BRCA1: variants seen among roughly 807,000 people sequenced by gnomAD.
BRCA1 encodes BRCA1 DNA repair associated, also known as breast cancer type 1 susceptibility protein.
In BRCA1, 140 loss-of-function variants were observed where a neutral mutation model predicts 173.7. That is an observed-to-expected ratio of 0.81 (90% CI 0.70 to 0.93). BRCA1 has a LOEUF of 0.93. BRCA1 is among the 40% of genes least tolerant of loss of function. The probability of loss-of-function intolerance (pLI) is 0.00; values close to 1 mark genes in which losing one functional copy is unlikely to be tolerated. For synonymous variants in BRCA1, 662 were observed against 756.0 expected (o/e 0.88, Z 2.04); for missense variants, 1,983 against 2,172.5 (o/e 0.91, Z 1.73).
At chr17:43,110,042 C>A (rs2054966883) in intron 3 of BRCA1, among the ~76,000 whole-genome samples, 1 of 151,902 alleles carries the variant, frequency 6.6e-6, no homozygotes. Flanking sequence ...CTACAGGTGC[C>A]CGCTACCACG....
At chr17:43,086,397 AT>A (rs879506204) in intron 11 of BRCA1, among the ~76,000 whole-genome samples, 22 of 152,106 alleles carry the variant, frequency 1.4e-4, no homozygotes, top group Non-Finnish European at 1.3e-4. Context: ...AAAAACCCAG[AT>A]ATCAATGATA....
At chr17:43,073,921 A>AT (rs1266359099) in intron 14 of BRCA1, among the ~76,000 whole-genome samples, 1 of 151,804 alleles carries the variant, frequency 6.6e-6, no homozygotes, top group Non-Finnish European at 1.5e-5. Context: ...CACCCAGTTA[A>AT]TTTTTTTGTA....
chr17:43,051,115 G>T lies in BRCA1; in HGVS notation c.5280C>A (p.Ile1760=), dbSNP rs750040616. The change falls in exon 20 of 23, where the codon ATC becomes ATA. Residue 1760 remains isoleucine, a splice_region_variant and synonymous_variant. Transcript: ENST00000357654. ...AGCAACAGATTTCTAGCCCCCTGAA[G>T]ATCTGGAAGAAGAGAGGAAGAGAGA... ...KRARESQDRK[I]FRGLEICCYG... The T allele has an allele frequency of 1.2e-6, 2 of 1,613,832 alleles. No individual in the cohort carries two copies. The highest frequency in any genetic ancestry group is 3.3e-4 in the Middle Eastern group (2 of 6,056).
In BRCA1 at chr17:43,049,122, G is replaced by A. The variant is rs2051072173; in HGVS notation, c.5405C>T (p.Thr1802Ile). 6.2e-7 allele frequency: 1 copy of A among 1,613,832 alleles called. No individual in the cohort carries two copies. Among genetic ancestry groups the A allele is most frequent in the Non-Finnish European group, 8.5e-7 (1 of 1,179,744 alleles). ...TCTGACAGGGCACCCAATACTTACT[G>A]TGCCAAGGGTGAATGATGAAAGCTC... is the stretch of plus-strand genomic sequence containing the variant. ...VKELSSFTLG[T>I]GVHPIVVVQP... The change falls in exon 21 of 23, where the codon ACA (threonine) becomes ATA (isoleucine). Residue 1802 changes from threonine (T) to isoleucine (I), a missense_variant and splice_region_variant. Transcript: ENST00000357654.
intron 6 of BRCA1, among the ~76,000 whole-genome samples, chr17:43,102,566 A>C (rs1220973415): frequency 6.6e-6 from 1 of 151,362 alleles, no homozygotes; most frequent in Non-Finnish European, 1.5e-5. Flanking sequence ...CATGTTGGCC[A>C]GGGTGGTCTC....
At chr17:43,082,624 T>C (rs2154165869) in intron 11 of BRCA1, 49 bp from the exon 12 acceptor site, 5 of 1,588,654 alleles carry the variant, frequency 3.1e-6, no homozygotes, top group East Asian at 4.5e-5. Flanking sequence ...TTTGAGAAGC[T>C]TTCCATTAAA....
Position 43,091,858 on chromosome 17 carries a change from A to C in BRCA1, c.3673T>G (p.Cys1225Gly), listed in dbSNP as rs1382025345. The C allele has an allele frequency of 6.2e-7, 1 of 1,614,226 alleles. No homozygotes were observed. ...TTACCAAATAACAAGTGTTGGAAGC[A>C]GGGAAGCTCTTCATCCTCACTAGAT... ...NLSSEDEELP[C>G]FQHLLFGKVN... is the part of the protein sequence containing the mutation. The change falls in exon 10 of 23, where the codon TGC becomes GGC. Residue 1225 changes from cysteine to glycine, a missense_variant. Coordinates refer to ENST00000357654, the MANE Select transcript of BRCA1 (RefSeq NM_007294.4).
chr17:43,074,890 C>T (rs2052638408), intron 13 of BRCA1, among the ~76,000 whole-genome samples: 1 of 150,864 alleles, frequency 6.6e-6, no homozygotes, highest in Non-Finnish European at 1.5e-5. Context: ...CACTGCACTC[C>T]AGCCTGAGTG....
intron 14 of BRCA1, among the ~76,000 whole-genome samples, chr17:43,072,517 C>T (rs181080430): frequency 2.6e-5 from 4 of 151,884 alleles, no homozygotes; most frequent in Admixed American, 2.6e-4. Context: ...ATCTTCCTGT[C>T]TCAGCCTCCT....
chr17:43,123,349 GTTTTTTTTTTTTTTT>G (rs149379936), intron 2 of BRCA1, among the ~76,000 whole-genome samples: 1 of 85,166 alleles, frequency 1.2e-5, no homozygotes, highest in Non-Finnish European at 2.1e-5. Context: ...GATCATCCAT[GTTTTTTTTTTTTTTT>G]TTTTTTTTTT....
chr17:43,074,641 G>C, intron 13 of BRCA1, 120 bp from the exon 14 acceptor site: 1 of 897,878 alleles, frequency 1.1e-6, no homozygotes, highest in East Asian at 2.6e-5. Flanking sequence ...GAAATGACTG[G>C]CAAAAAAGAG....
intron 1 of BRCA1, among the ~76,000 whole-genome samples, chr17:43,155,043 G>C (rs1194705607): frequency 6.6e-6 from 1 of 152,234 alleles, no homozygotes; most frequent in Non-Finnish European, 1.5e-5. Context: ...CAGGACATCA[G>C]ATAGGTCAAG....
rs1351758010 is a variant in BRCA1, at chr17:43,100,659, T to C, written c.442-779A>G. ...ATATATATATAACATATATATAACA[T>C]ATATATATATATATATATAATATAT... is the stretch of plus-strand genomic sequence containing the variant. On this transcript the variant is annotated intron_variant, in intron 6 of 22. Coordinates refer to ENST00000357654, the MANE Select transcript of BRCA1 (RefSeq NM_007294.4). 7.6e-4 allele frequency among the ~76,000 whole-genome samples: 11 copies of C among 14,560 alleles called. 3 individuals are homozygous for C. Among genetic ancestry groups the C allele is most frequent in the East Asian group, 4.9e-3 (1 of 206 alleles). The allele number at this position is 14,560 out of a possible 152,430, so 9.6% of individuals were successfully genotyped here. A position where few individuals can be genotyped will look rare whatever the true frequency, so the allele number is the denominator to read the frequency against.
At chr17:43,065,920 C>T (rs2153654887) in intron 16 of BRCA1, among the ~76,000 whole-genome samples, 1 of 152,272 alleles carries the variant, frequency 6.6e-6, no homozygotes, top group Middle Eastern at 3.4e-3. Context: ...CTCATTTCTT[C>T]TTCAAAAGAC....
At chr17:43,155,288 G>A (rs1042028038) in intron 1 of BRCA1, among the ~76,000 whole-genome samples, 3 of 152,086 alleles carry the variant, frequency 2.0e-5, no homozygotes, top group Admixed American at 6.5e-5. Context: ...TCCTGCCTCA[G>A]CCTCCCGAGT....
At chr17:43,055,053 G>A (rs573975600) in intron 19 of BRCA1, among the ~76,000 whole-genome samples, 1 of 152,112 alleles carries the variant, frequency 6.6e-6, no homozygotes, top group South Asian at 2.1e-4. Context: ...ACCAGCCTGG[G>A]ATGTTCTGAA....
At chr17:43,154,757 A>T (rs138962957) in intron 1 of BRCA1, among the ~76,000 whole-genome samples, 205 of 152,264 alleles carry the variant, frequency 1.3e-3, no homozygotes, top group African/African-American at 4.8e-3. Context: ...ACCTGCTCTC[A>T]CATTCTAGTG....
rs1799966 is a variant in BRCA1, at chr17:43,071,077, T to C, written c.4837A>G (p.Ser1613Gly). ...TCAGTAGTATGAGCAGCAGCTGGAC[T>C]CTGGGCAGATTCTGCAACTTTCAAT... Reference protein sequence around the residue: ...PQLKVAESAQSPAAAHTTDTA... With the variant: ...PQLKVAESAQGPAAAHTTDTA... The change falls in exon 15 of 23, where the codon AGT becomes GGT. Residue 1613 changes from serine (S) to glycine (G), a missense_variant. Physicochemically the swap from Ser to Gly is moderately conservative, Grantham distance 56. Transcript: ENST00000357654. The C allele has an allele frequency of 0.34, 545,124 of 1,613,902 alleles. 94,249 individuals are homozygous for C. Among genetic ancestry groups the C allele is most frequent in the South Asian group, 0.5 (45,434 of 91,072 alleles).
intron 1 of BRCA1, chr17:43,144,797 G>A (rs894042171): frequency 5.2e-6 from 2 of 385,128 alleles, no homozygotes; most frequent in Non-Finnish European, 1.0e-5. Context: ...GAGGCAGGTG[G>A]TTCATCTAAG....
Sources: gnomAD v4.1 joint callset for allele counts (sites outside exome capture counted in the v4.1 genomes callset) on GRCh38, gnomAD v4.1.1 for gene constraint, MANE v1.5 for transcripts, NCBI Gene and HGNC (gene_info 2026-07-23, HGNC 2026-07-21) for gene names.